Variants in ATOSA observed in about 807,000 individuals in gnomAD.
ATOSA encodes atos homolog protein A.
the ATOSA span, among the ~76,000 whole-genome samples, chr15:52,618,513 TGA>T: frequency 6.6e-6 from 1 of 152,186 alleles, no homozygotes; most frequent in East Asian, 1.9e-4. Context: ...GAAAGTGCAA[TGA>T]GAGAGTGAAA....
chr15:52,614,003 T>G, the ATOSA span: 4 of 759,114 alleles, frequency 5.3e-6, no homozygotes, highest in African/African-American at 5.2e-5. Flanking sequence ...CAAAATATAC[T>G]AAACTTTTGA....
At chr15:52,699,364 C>T in the ATOSA span, among the ~76,000 whole-genome samples, 4 of 152,024 alleles carry the variant, frequency 2.6e-5, no homozygotes, top group Non-Finnish European at 5.9e-5. Context: ...GCTCCAAGTT[C>T]CAACATTCCC....
the ATOSA span, among the ~76,000 whole-genome samples, chr15:52,617,847 G>C: frequency 2.0e-5 from 3 of 150,330 alleles, no homozygotes; most frequent in African/African-American, 7.3e-5. Flanking sequence ...AAATTAACTT[G>C]TAAGAGAGCC....
the ATOSA span, among the ~76,000 whole-genome samples, chr15:52,669,826 G>A: frequency 1.3e-5 from 2 of 152,166 alleles, no homozygotes; most frequent in East Asian, 1.9e-4. Context: ...GCAGCATCAT[G>A]GAACAAATCT....
chr15:52,609,609 A>G, the ATOSA span: 1 of 1,612,786 alleles, frequency 6.2e-7, no homozygotes. Context: ...CTTCTGGGGA[A>G]CTAAACTCTG....
the ATOSA span, among the ~76,000 whole-genome samples, chr15:52,618,799 C>T: frequency 2.0e-5 from 3 of 152,176 alleles, no homozygotes; most frequent in African/African-American, 7.2e-5. Context: ...GTTCTCCCAC[C>T]TTGGCCTCCC....
At chr15:52,593,745 CA>C in the ATOSA span, 3 of 1,516,810 alleles carry the variant, frequency 2.0e-6, no homozygotes, top group Non-Finnish European at 2.6e-6. Flanking sequence ...TCCTGGAAGA[CA>C]AAATAATTTT....
the ATOSA span, among the ~76,000 whole-genome samples, chr15:52,670,905 T>C: frequency 1.3e-5 from 2 of 152,228 alleles, no homozygotes; most frequent in East Asian, 3.8e-4. Flanking sequence ...GTTTGGGACT[T>C]AATCCAAGAA....
the ATOSA span, among the ~76,000 whole-genome samples, chr15:52,616,978 G>C: frequency 1.3e-5 from 2 of 152,060 alleles, no homozygotes; most frequent in African/African-American, 4.8e-5. Context: ...GTAATCAAAA[G>C]CACCTTGACT....
chr15:52,582,129 A>G, the ATOSA span: 1 of 1,536,398 alleles, frequency 6.5e-7, no homozygotes, highest in African/African-American at 1.4e-5. Flanking sequence ...GGTACTGAGT[A>G]AATACTTTAA....
the ATOSA span, among the ~76,000 whole-genome samples, chr15:52,638,099 G>T: frequency 2.0e-5 from 3 of 152,236 alleles, no homozygotes; most frequent in East Asian, 5.8e-4. Context: ...GATTTTCATA[G>T]ATGTTCTTTA....
chr15:52,642,614 C>T, the ATOSA span, among the ~76,000 whole-genome samples: 1 of 152,132 alleles, frequency 6.6e-6, no homozygotes, highest in Non-Finnish European at 1.5e-5. Flanking sequence ...CCAACTGTAG[C>T]TGTTTTGCTT....
At chr15:52,600,444 CAATATTATTT>C in the ATOSA span, among the ~76,000 whole-genome samples, 1 of 151,990 alleles carries the variant, frequency 6.6e-6, no homozygotes, top group Admixed American at 6.6e-5. Flanking sequence ...AGCCAAGGCA[CAATATTATTT>C]ACTTTTGTAC....
At chr15:52,699,990 C>CA in the ATOSA span, among the ~76,000 whole-genome samples, 1 of 152,100 alleles carries the variant, frequency 6.6e-6, no homozygotes, top group Non-Finnish European at 1.5e-5. Context: ...CCTTAATGCT[C>CA]AGAATATGTG....
chr15:52,698,179 CTG>C, the ATOSA span, among the ~76,000 whole-genome samples: 1 of 151,670 alleles, frequency 6.6e-6, no homozygotes, highest in Non-Finnish European at 1.5e-5. Flanking sequence ...TGGGGCTTCA[CTG>C]TGTGAGCCAG....
chr15:52,654,602 G>GT, the ATOSA span, among the ~76,000 whole-genome samples: 1 of 152,088 alleles, frequency 6.6e-6, no homozygotes, highest in Non-Finnish European at 1.5e-5. Flanking sequence ...TAGCATGGTC[G>GT]TTAAGTATGT....
the ATOSA span, chr15:52,598,449 C>T: frequency 6.6e-6 from 1 of 152,200 alleles, no homozygotes; most frequent in South Asian, 2.1e-4. Context: ...CCCCCAACAA[C>T]ATTACAGGGA....
the ATOSA span, among the ~76,000 whole-genome samples, chr15:52,619,826 TAAAAA>T: frequency 3.4e-4 from 40 of 116,490 alleles, no homozygotes; most frequent in Non-Finnish European, 5.7e-4. Context: ...GAGACTGTCT[TAAAAA>T]AAAAAGAAAA....
the ATOSA span, among the ~76,000 whole-genome samples, chr15:52,644,714 T>C: frequency 1.3e-5 from 2 of 152,242 alleles, no homozygotes; most frequent in Non-Finnish European, 2.9e-5. Flanking sequence ...ATTATCAATG[T>C]AATTCTCTTC....
Sources: gnomAD v4.1 joint callset for allele counts (sites outside exome capture counted in the v4.1 genomes callset) on GRCh38, gnomAD v4.1.1 for gene constraint, MANE v1.5 for transcripts, NCBI Gene and HGNC (gene_info 2026-07-23, HGNC 2026-07-21) for gene names.